PGAP4: variants seen among roughly 807,000 people sequenced by gnomAD.
The protein encoded by PGAP4 is GPI-N-acetylgalactosamine transferase PGAP4.
Under a neutral mutation model 28.2 loss-of-function variants are expected in PGAP4, and 12 were observed. The observed-to-expected ratio is 0.42, with a 90% CI of 0.27 to 0.69. The LOEUF (loss-of-function observed/expected upper bound fraction) is 0.69, where lower values mean the gene tolerates loss of function less well. Among genes scored for constraint, PGAP4 ranks in the 30% least tolerant of loss-of-function variants. PGAP4 has a pLI of 0.22. For missense variants in PGAP4, 425 were observed against 513.5 expected (o/e 0.83, Z 1.67); for synonymous variants, 205 against 211.8 (o/e 0.97, Z 0.28).
intron 2 of PGAP4, among the ~76,000 whole-genome samples, chr9:101,521,872 A>G (rs1826991088): frequency 6.6e-6 from 1 of 152,058 alleles, no homozygotes; most frequent in Admixed American, 6.5e-5. Flanking sequence ...TCCCCTTACC[A>G]TTGCCTTTGC....
At chr9:101,516,379 A>T (rs1826943940) in intron 2 of PGAP4, among the ~76,000 whole-genome samples, 1 of 152,198 alleles carries the variant, frequency 6.6e-6, no homozygotes, top group South Asian at 2.1e-4. Flanking sequence ...ATAGTTTAAC[A>T]TTAATCAATT....
rs1276108127 is a variant in PGAP4 at position 101,487,129 on chromosome 9, C to G, written c.-258G>C. 6.6e-6 allele frequency: 1 copy of G among 152,256 alleles called. No homozygotes were observed. The highest frequency in any genetic ancestry group is 1.5e-5 in the Non-Finnish European group (1 of 68,060). The allele number at this position is 152,256 out of a possible 1,614,324, so 9.4% of individuals were successfully genotyped here. A position where few individuals can be genotyped will look rare whatever the true frequency, so the allele number is the denominator to read the frequency against. ...CCCGCCTCGCAGCTCAGGCGCAGGG[C>G]TCCCCTTGCTCAGGCGGGCCATGTG... On this transcript the variant is annotated 5_prime_UTR_variant, in exon 1 of 2. Transcript: ENST00000374848.
intron 2 of PGAP4, among the ~76,000 whole-genome samples, chr9:101,493,091 A>G (rs1826705599): frequency 6.6e-6 from 1 of 151,912 alleles, no homozygotes; most frequent in Non-Finnish European, 1.5e-5. Context: ...CGTCTCTACT[A>G]AAAATACAAA....
At chr9:101,485,859 T>A (rs1826601455) in intron 1 of PGAP4, among the ~76,000 whole-genome samples, 1 of 152,184 alleles carries the variant, frequency 6.6e-6, no homozygotes. Flanking sequence ...CTAATAATGT[T>A]GATTTTCTCT....
chr9:101,529,708 G>C (rs1189814742), intron 2 of PGAP4, among the ~76,000 whole-genome samples: 1 of 152,200 alleles, frequency 6.6e-6, no homozygotes, highest in Non-Finnish European at 1.5e-5. Flanking sequence ...GTATGGAAAT[G>C]AAGGAGAAAG....
At position 101,474,524 on chromosome 9, in the gene PGAP4, G is replaced by C. The variant is rs906298798; in HGVS notation, c.*1357C>G. ...ATTTCCAAGCTGGAGATCATTTCCA[G>C]TTTGAATGAACAATTCTTCTTTTTG... On this transcript the variant is annotated 3_prime_UTR_variant, in exon 2 of 2. Transcript: ENST00000374848. 6.6e-6 allele frequency: 1 copy of C among 152,214 alleles called. No individual in the cohort carries two copies. Among genetic ancestry groups the C allele is most frequent in the Non-Finnish European group, 1.5e-5 (1 of 68,046 alleles). The allele number at this position is 152,214 out of a possible 1,614,324, so 9.4% of individuals were successfully genotyped here.
At chr9:101,501,741 G>T (rs190547461) in intron 2 of PGAP4, 11 of 519,094 alleles carry the variant, frequency 2.1e-5, no homozygotes, top group South Asian at 1.4e-4. Flanking sequence ...CAGGGCTCTG[G>T]GTTATTCTTT....
chr9:101,494,715 C>A (rs1453624184), intron 2 of PGAP4, among the ~76,000 whole-genome samples: 1 of 151,582 alleles, frequency 6.6e-6, no homozygotes, highest in Non-Finnish European at 1.5e-5. Context: ...ATTGCAAAAA[C>A]TTTTAAAGGA....
At chr9:101,494,588 T>A (rs1279969670) in intron 2 of PGAP4, among the ~76,000 whole-genome samples, 1 of 151,900 alleles carries the variant, frequency 6.6e-6, no homozygotes, top group Non-Finnish European at 1.5e-5. Context: ...ATTAGTTTTG[T>A]ATTAGAGTTA....
intron 2 of PGAP4, among the ~76,000 whole-genome samples, chr9:101,493,113 G>C (rs189946486): frequency 6.6e-6 from 1 of 152,050 alleles, no homozygotes; most frequent in Non-Finnish European, 1.5e-5. Flanking sequence ...AATTAGCCGG[G>C]TGTGGTGGCA....
Position 101,511,551 on chromosome 9 carries a change from G to T in PGAP4, c.-165+19797C>A, listed in dbSNP as rs189424001. ...TCCTAACTGTGGGAAAATGAAGAGG[G>T]TTATATGGTGTTCCCAGGCTTCCTT... On this transcript the variant is annotated intron_variant, in intron 2 of 3. Transcript: ENST00000374851. Among the ~76,000 whole-genome samples, 6 of 152,254 alleles carry T rather than the reference G, an allele frequency of 3.9e-5. No individual in the cohort carries two copies. The East Asian group carries it at 7.7e-4, about 20-fold the overall frequency.
At chr9:101,507,347 T>C (rs1462960159) in intron 2 of PGAP4, among the ~76,000 whole-genome samples, 2 of 152,140 alleles carry the variant, frequency 1.3e-5, no homozygotes, top group Admixed American at 6.6e-5. Context: ...CTGTTCACTA[T>C]TTGGGACATG....
chr9:101,516,276 G>T (rs1826942968), intron 2 of PGAP4, among the ~76,000 whole-genome samples: 1 of 151,934 alleles, frequency 6.6e-6, no homozygotes, highest in Non-Finnish European at 1.5e-5. Flanking sequence ...ATAAATATTT[G>T]CTGATCATTA....
chr9:101,531,689 G>C (rs1276517023), intron 1 of PGAP4: 2 of 152,170 alleles, frequency 1.3e-5, no homozygotes, highest in Non-Finnish European at 2.9e-5. Flanking sequence ...GGAGATTGGG[G>C]TGAAATCAGT....
rs1826214964 is a variant in PGAP4, at chr9:101,473,599, G to C, written c.*2282C>G. 1 of 152,268 alleles carries C rather than the reference G, an allele frequency of 6.6e-6. No homozygotes were observed. The highest frequency in any genetic ancestry group is 1.5e-5 in the Non-Finnish European group (1 of 68,072). The allele number at this position is 152,268 out of a possible 1,614,324, so 9.4% of individuals were successfully genotyped here. ...TGTTAGTGTGTAGGTAGAGAAACTGGACAAGGAAGGATGGCCTTAGCCTTC... is the reference window on the plus strand; with the variant it reads ...TGTTAGTGTGTAGGTAGAGAAACTGCACAAGGAAGGATGGCCTTAGCCTTC... On this transcript the variant is annotated 3_prime_UTR_variant, in exon 2 of 2. Transcript: ENST00000374848.
intron 2 of PGAP4, among the ~76,000 whole-genome samples, chr9:101,511,837 C>T (rs1045378224): frequency 2.6e-5 from 4 of 152,126 alleles, no homozygotes; most frequent in African/African-American, 9.7e-5. Flanking sequence ...TCAAGATGTA[C>T]TTGCTATAGT....
intron 2 of PGAP4, among the ~76,000 whole-genome samples, chr9:101,499,672 C>T (rs919160231): frequency 6.6e-6 from 1 of 152,014 alleles, no homozygotes; most frequent in Non-Finnish European, 1.5e-5. Context: ...GGCCTTTGTG[C>T]AAAGTTGTGA....
intron 1 of PGAP4, among the ~76,000 whole-genome samples, chr9:101,483,823 A>G (rs1173903959): frequency 2.6e-5 from 4 of 152,198 alleles, no homozygotes; most frequent in Non-Finnish European, 2.9e-5. Context: ...GAATATACAC[A>G]CATACTACAA....
At position 101,515,671 on chromosome 9, in the gene PGAP4, A is replaced by G. The variant is rs576573226; in HGVS notation, c.-165+15677T>C. Among the ~76,000 whole-genome samples the G allele has an allele frequency of 1.3e-3, 196 of 152,288 alleles. 1 individual carries two copies. The highest frequency in any genetic ancestry group is 4.5e-3 in the African/African-American group (189 of 41,570). On this transcript the variant is annotated intron_variant, in intron 2 of 3. Transcript: ENST00000374851. ...GTCAAAATATTAAAAACTCTTATTC[A>G]TAAATGTATTAGGAAATGAAAAAAA...
Sources: allele counts gnomAD v4.1 joint callset (sites outside exome capture counted in the v4.1 genomes callset), GRCh38; gene constraint gnomAD v4.1.1; transcripts MANE v1.5; gene names NCBI Gene and HGNC (gene_info 2026-07-23, HGNC 2026-07-21).